The following LAMB1 variants were observed in gnomAD, a reference collection of about 807,000 sequenced individuals.
LAMB1 encodes the protein laminin subunit beta 1, also known as laminin subunit beta-1.
Under a neutral mutation model 222.3 loss-of-function variants are expected in LAMB1, and 121 were observed. The observed-to-expected ratio is 0.54, with a 90% CI of 0.47 to 0.63. The LOEUF is 0.63. Among genes scored for constraint, LAMB1 ranks in the 30% least tolerant of loss-of-function variants. The pLI is 0.00. For missense variants in LAMB1, 2,172 were observed against 2,240.8 expected (o/e 0.97, Z 0.62); for synonymous variants, 794 against 807.2 (o/e 0.98, Z 0.28).
chr7:107,943,497 A>G (rs2033042764), intron 24 of LAMB1, among the ~76,000 whole-genome samples: 3 of 152,184 alleles, frequency 2.0e-5, no homozygotes, highest in Admixed American at 2.0e-4. Flanking sequence ...TTCCATTATC[A>G]TTTGGTAAAA....
At position 107,960,543 on chromosome 7, in the gene LAMB1, C is replaced by T; in HGVS notation, c.2216G>A (p.Cys739Tyr). 3.1e-6 allele frequency: 5 copies of T among 1,614,174 alleles called. No homozygotes were observed. The highest frequency in any genetic ancestry group is 4.2e-6 in the Non-Finnish European group (5 of 1,179,974). The stretch of plus-strand genomic sequence containing the variant: ...CACAACGCTTCTGCTGTTCTCTAGA[C>T]ATCGGTATCTCTGAAAGGTTTCCCA... The part of the protein sequence containing the change: ...SAWETFQRYR[C>Y]LENSRSVVKT... The change falls in exon 18 of 34, where the codon TGT becomes TAT. Residue 739 changes from cysteine (C) to tyrosine (Y), a missense_variant. Physicochemically the swap from Cys to Tyr is radical, Grantham distance 194. Coordinates refer to ENST00000222399, the MANE Select transcript of LAMB1 (RefSeq NM_002291.3).
chr7:107,981,365 T>C (rs562847940), intron 7 of LAMB1, among the ~76,000 whole-genome samples: 5 of 151,942 alleles, frequency 3.3e-5, no homozygotes, highest in Admixed American at 6.6e-5. Flanking sequence ...GGAGAATCGC[T>C]TGAACCTGGG....
Position 107,986,201 on chromosome 7 carries a change from C to G in LAMB1, c.586G>C (p.Asp196His). The change falls in exon 6 of 34, where the codon GAC (aspartate) becomes CAC (histidine). Residue 196 changes from aspartate to histidine, a missense_variant. Coordinates refer to ENST00000222399, the MANE Select transcript of LAMB1 (RefSeq NM_002291.3). ...TCTCCTTCAGTTGAGGGTTCAATGT[C>G]AGAATATCGAGAATCACAAATTATG... ...DDIICDSRYS[D>H]IEPSTEGEVI... The G allele has an allele frequency of 6.2e-7, 1 of 1,614,114 alleles. No individual in the cohort carries two copies. Among genetic ancestry groups the G allele is most frequent in the Non-Finnish European group, 8.5e-7 (1 of 1,180,002 alleles).
At chr7:107,950,234 A>C (rs916000902) in intron 24 of LAMB1, among the ~76,000 whole-genome samples, 17 of 152,202 alleles carry the variant, frequency 1.1e-4, no homozygotes, top group African/African-American at 3.9e-4. Context: ...CGTCTCAAAA[A>C]AAAAAAAAAT....
chr7:107,993,333 C>T (rs1447693738), intron 5 of LAMB1, among the ~76,000 whole-genome samples: 5 of 151,912 alleles, frequency 3.3e-5, no homozygotes, highest in South Asian at 4.2e-4. Context: ...GGGGTTTCAC[C>T]GTATTGGCCA....
intron 19 of LAMB1, 53 bp from the exon 20 acceptor site, chr7:107,959,533 C>T: frequency 3.1e-6 from 5 of 1,608,610 alleles, no homozygotes; most frequent in Non-Finnish European, 4.2e-6. Context: ...TCAATGGAAA[C>T]ATGCTCCTTT....
At chr7:107,970,850 A>G (rs1484362823) in intron 13 of LAMB1, among the ~76,000 whole-genome samples, 1 of 151,822 alleles carries the variant, frequency 6.6e-6, no homozygotes, top group African/African-American at 2.4e-5. Flanking sequence ...TCCCTGCCTC[A>G]GCCTCCCAAG....
intron 5 of LAMB1, among the ~76,000 whole-genome samples, chr7:107,987,491 A>G (rs957058045): frequency 9.8e-5 from 15 of 152,332 alleles, no homozygotes; most frequent in Admixed American, 5.2e-4. Context: ...TACTTCACAG[A>G]GAAGAAGGCA....
At position 107,957,851 on chromosome 7, in the gene LAMB1, TAAAATC is replaced by T. The variant is rs545817504; in HGVS notation, c.2690+1392_2690+1397del. Among the ~76,000 whole-genome samples the T allele has an allele frequency of 2.1e-3, 321 of 152,316 alleles. 1 individual carries two copies. The highest frequency in any genetic ancestry group is 4.2e-3 in the Admixed American group (64 of 15,302). Reference sequence around the variant, plus strand: ...ACTAGATAGTAGAATTCCAAATACTTAAAATCAAGTGTTTGCCACCCAAACCTATTG... The same window carrying T: ...ACTAGATAGTAGAATTCCAAATACTTAAGTGTTTGCCACCCAAACCTATTG... On this transcript the variant is annotated intron_variant, in intron 20 of 33. Coordinates refer to ENST00000222399, the MANE Select transcript of LAMB1 (RefSeq NM_002291.3).
intron 15 of LAMB1, among the ~76,000 whole-genome samples, chr7:107,962,570 T>C (rs991801399): frequency 4.0e-5 from 6 of 151,850 alleles, no homozygotes; most frequent in African/African-American, 1.5e-4. Flanking sequence ...AAAAATTAGC[T>C]GGGCATGGTG....
intron 15 of LAMB1, among the ~76,000 whole-genome samples, chr7:107,962,187 T>A (rs1562991448): frequency 2.0e-5 from 3 of 152,178 alleles, no homozygotes; most frequent in Admixed American, 6.5e-5. Flanking sequence ...AACGTTTTGG[T>A]AGCCCTGGCT....
rs776806359 is a variant in LAMB1, at chr7:107,940,065, C to T, written c.3685G>A (p.Glu1229Lys). 8 of 1,614,010 alleles carry T rather than the reference C, an allele frequency of 5.0e-6. No individual in the cohort carries two copies. Among genetic ancestry groups the T allele is most frequent in the African/African-American group, 2.7e-5 (2 of 74,912 alleles). The stretch of plus-strand genomic sequence containing the variant: ...CTCTGCGCCAGGATGTCTTTTATCT[C>T]GCTGACTTTCCTCTCCACCGAGTCC... ...TVDSVERKVS[E>K]IKDILAQSPA... Residue 1229 changes from glutamate (E) to lysine (K), a missense_variant, in exon 25 of 34, where the codon GAG becomes AAG. Transcript: ENST00000222399.
In LAMB1 at chr7:107,994,972, T is replaced by G. The variant is rs1410129375; in HGVS notation, c.350-12A>C. The G allele has an allele frequency of 5.4e-6, 8 of 1,481,038 alleles. No individual in the cohort carries two copies. The allele number at this position is 1,481,038 out of a possible 1,614,324, so 91.7% of individuals were successfully genotyped here. A position where few individuals can be genotyped will look rare whatever the true frequency, so the allele number is the denominator to read the frequency against. On this transcript the variant is annotated splice_polypyrimidine_tract_variant and intron_variant, in intron 4 of 33. Transcript: ENST00000222399. ...TACATTTTCCACACCTACAGGAGATTTAAAAAAAATAAAACAATAAATGAA... is the reference window on the plus strand; with the variant it reads ...TACATTTTCCACACCTACAGGAGATGTAAAAAAAATAAAACAATAAATGAA...
At chr7:107,994,110 G>C (rs932956299) in intron 5 of LAMB1, among the ~76,000 whole-genome samples, 3 of 152,194 alleles carry the variant, frequency 2.0e-5, no homozygotes, top group African/African-American at 7.2e-5. Context: ...CTATTCAAAA[G>C]TGATTTTTAA....
intron 24 of LAMB1, among the ~76,000 whole-genome samples, chr7:107,948,981 C>A (rs1453288263): frequency 6.6e-6 from 1 of 152,168 alleles, no homozygotes; most frequent in East Asian, 1.9e-4. Flanking sequence ...TCTCCTTAAA[C>A]CAGGTTTCCT....
chr7:107,954,907 A>G (rs888616927), intron 21 of LAMB1, among the ~76,000 whole-genome samples: 2 of 152,228 alleles, frequency 1.3e-5, no homozygotes, highest in African/African-American at 2.4e-5. Context: ...CTGAAATTAT[A>G]TGCAAAAAAA....
In LAMB1 at chr7:107,994,959, A is replaced by G. The variant is rs761799071; in HGVS notation, c.351T>C (p.Gly117=). Residue 117 remains glycine, a splice_region_variant and synonymous_variant, in exon 5 of 34, where the codon GGT becomes GGC. Transcript: ENST00000222399. ...RLKIWWQSEN[G]VENVTIQLDL... ...CCAGTTGGATAGTTACATTTTCCAC[A>G]CCTACAGGAGATTTAAAAAAAATAA... is the stretch of plus-strand genomic sequence containing the variant. 24 of 1,557,934 alleles carry G rather than the reference A, an allele frequency of 1.5e-5. No homozygotes were observed. The highest frequency in any genetic ancestry group is 1.7e-5 in the Admixed American group (1 of 59,506).
Position 107,962,964 on chromosome 7 carries a change from A to G in LAMB1, c.1798T>C (p.Phe600Leu). 6.2e-7 allele frequency: 1 copy of G among 1,614,122 alleles called. No individual in the cohort carries two copies. Among genetic ancestry groups the G allele is most frequent in the Non-Finnish European group, 8.5e-7 (1 of 1,180,026 alleles). The change falls in exon 15 of 34, where the codon TTC (phenylalanine) becomes CTC (leucine). Residue 600 changes from phenylalanine to leucine, a missense_variant. Coordinates refer to ENST00000222399, the MANE Select transcript of LAMB1 (RefSeq NM_002291.3). ...ATGGAATATGGTATGTTGTCAATGA[A>G]AAACTCCAAATAAGCCCCTTCAGGC... ...RVPEGAYLEF[F>L]IDNIPYSMEY...
In LAMB1 at chr7:107,929,180, T is replaced by A; in HGVS notation, c.4771A>T (p.Thr1591Ser). The change falls in exon 31 of 34, where the codon ACT becomes TCT. Residue 1591 changes from threonine to serine, a missense_variant. Thr to Ser is a moderately conservative substitution (Grantham distance 58, BLOSUM62 1). Transcript: ENST00000222399. ...AGAGCTTCCTTTACCATATCTGCAG[T>A]GACTTTAACATCTGTTGCACTTTTG... ...ASKSATDVKV[T>S]ADMVKEALEE... The A allele has an allele frequency of 6.2e-7, 1 of 1,614,084 alleles. No individual in the cohort carries two copies. Among genetic ancestry groups the A allele is most frequent in the Non-Finnish European group, 8.5e-7 (1 of 1,179,976 alleles).
Sources: allele counts gnomAD v4.1 joint callset (sites outside exome capture counted in the v4.1 genomes callset), GRCh38; gene constraint gnomAD v4.1.1; transcripts MANE v1.5; gene names NCBI Gene and HGNC (gene_info 2026-07-23, HGNC 2026-07-21).